Variants in MYO5A observed in about 807,000 individuals in gnomAD.
The protein encoded by MYO5A is unconventional myosin-Va.
A neutral mutation model predicts 249.7 loss-of-function variants in MYO5A; 98 were observed. The observed-to-expected ratio is 0.39, with a 90% CI of 0.33 to 0.46. MYO5A has a LOEUF of 0.46. MYO5A is among the 20% of genes least tolerant of loss of function. The pLI is 0.98. For synonymous variants in MYO5A, 778 were observed against 810.6 expected, an observed-to-expected ratio of 0.96 and a Z score of 0.68; for missense variants, 1,696 against 2,308.8, an observed-to-expected ratio of 0.73 and a Z score of 5.44.
chr15:52,488,145 T>C (rs865990146), intron 1 of MYO5A, among the ~76,000 whole-genome samples: 13 of 151,884 alleles, frequency 8.6e-5, no homozygotes, highest in South Asian at 8.3e-4. Flanking sequence ...GAAAGAATTA[T>C]GGATGAGGTG....
intron 1 of MYO5A, among the ~76,000 whole-genome samples, chr15:52,465,842 T>C (rs919500850): frequency 1.3e-5 from 2 of 151,758 alleles, no homozygotes; most frequent in Non-Finnish European, 2.9e-5. Flanking sequence ...ATATTATCCA[T>C]GATAATATGT....
intron 1 of MYO5A, among the ~76,000 whole-genome samples, chr15:52,458,763 TAAAAACA>T (rs10678659): frequency 6.6e-6 from 1 of 151,242 alleles, no homozygotes; most frequent in Non-Finnish European, 1.5e-5. Context: ...TAAATAAATA[TAAAAACA>T]AAAAACAAAA....
intron 1 of MYO5A, among the ~76,000 whole-genome samples, chr15:52,528,012 G>C (rs146043239): frequency 2.7e-3 from 413 of 152,284 alleles, no homozygotes; most frequent in South Asian, 5.4e-3. Context: ...GTCATTCAGA[G>C]ATCGCCAGAC....
intron 24 of MYO5A, among the ~76,000 whole-genome samples, chr15:52,362,857 G>A (rs751551384): frequency 6.6e-6 from 1 of 152,124 alleles, no homozygotes. Flanking sequence ...CCTCACAGAT[G>A]GATATCTCTG....
chr15:52,453,355 G>A (rs1271002854), intron 1 of MYO5A, among the ~76,000 whole-genome samples: 1 of 152,046 alleles, frequency 6.6e-6, no homozygotes, highest in African/African-American at 2.4e-5. Flanking sequence ...AAACATGAAG[G>A]AGAGATAAAG....
At chr15:52,498,376 A>C (rs1030396841) in intron 1 of MYO5A, among the ~76,000 whole-genome samples, 1 of 152,172 alleles carries the variant, frequency 6.6e-6, no homozygotes, top group Admixed American at 6.5e-5. Context: ...AAAAAATTCT[A>C]AGGCTTCTGA....
At chr15:52,333,029 A>G (rs2038961138) in intron 34 of MYO5A, among the ~76,000 whole-genome samples, 1 of 152,196 alleles carries the variant, frequency 6.6e-6, no homozygotes, top group South Asian at 2.1e-4. Flanking sequence ...CTGCCATGTA[A>G]GAACACAGAG....
At chr15:52,485,666 T>C (rs980017543) in intron 1 of MYO5A, among the ~76,000 whole-genome samples, 2 of 152,228 alleles carry the variant, frequency 1.3e-5, no homozygotes, top group African/African-American at 4.8e-5. Flanking sequence ...TTTCACATCA[T>C]AGCCAGAAAG....
chr15:52,364,736 T>C (rs753292794), intron 23 of MYO5A, 34 bp from the exon 24 acceptor site: 1 of 1,610,794 alleles, frequency 6.2e-7, no homozygotes, highest in Non-Finnish European at 8.5e-7. Context: ...ATACTAAAGA[T>C]GGCCCCTTGA....
At chr15:52,461,463 C>A (rs949885173) in intron 1 of MYO5A, among the ~76,000 whole-genome samples, 1 of 152,092 alleles carries the variant, frequency 6.6e-6, no homozygotes, top group East Asian at 1.9e-4. Context: ...AAAACAGAAA[C>A]CTAGTCACCC....
Position 52,435,394 on chromosome 15 carries a change from G to A in MYO5A, c.28-2109C>T, listed in dbSNP as rs534948541. Among the ~76,000 whole-genome samples, 9 of 149,430 alleles carry A rather than the reference G, an allele frequency of 6.0e-5. No individual in the cohort carries two copies. The East Asian group carries it at 1.0e-3, about 17-fold the overall frequency. On this transcript the variant is annotated intron_variant, in intron 1 of 41. Transcript: ENST00000399233. ...TGGGTTCAAGTGATTCTCCTGCCTCGGCCTCCCGAGCAGCTGGGACTATAG... is the reference window on the plus strand; with the variant it reads ...TGGGTTCAAGTGATTCTCCTGCCTCAGCCTCCCGAGCAGCTGGGACTATAG...
chr15:52,468,077 C>T (rs958893087), intron 1 of MYO5A, among the ~76,000 whole-genome samples: 1 of 152,164 alleles, frequency 6.6e-6, no homozygotes, highest in Non-Finnish European at 1.5e-5. Flanking sequence ...GGACCAGGTG[C>T]AGTGGCTCAT....
intron 1 of MYO5A, among the ~76,000 whole-genome samples, chr15:52,513,694 G>A (rs2077442201): frequency 6.6e-6 from 1 of 151,902 alleles, no homozygotes; most frequent in African/African-American, 2.4e-5. Context: ...GCCTCCCAAA[G>A]TGCAGGGATT....
At chr15:52,471,637 A>G (rs1237601274) in intron 1 of MYO5A, among the ~76,000 whole-genome samples, 3 of 144,784 alleles carry the variant, frequency 2.1e-5, no homozygotes, top group Non-Finnish European at 4.5e-5. Context: ...CAAAAAAACA[A>G]AAACAAAAAA....
intron 2 of MYO5A, among the ~76,000 whole-genome samples, chr15:52,431,517 G>T (rs1477794775): frequency 1.3e-5 from 2 of 151,716 alleles, no homozygotes; most frequent in Non-Finnish European, 2.9e-5. Flanking sequence ...TATTTTTCTA[G>T]CTCTCTATGC....
intron 1 of MYO5A, among the ~76,000 whole-genome samples, chr15:52,510,138 T>C (rs1469377421): frequency 6.6e-6 from 1 of 151,578 alleles, no homozygotes; most frequent in Non-Finnish European, 1.5e-5. Context: ...GTACTCTGGC[T>C]GAGACTCTGT....
At chr15:52,384,398 A>T in intron 14 of MYO5A, 76 bp from the exon 15 acceptor site, 1 of 1,422,554 alleles carries the variant, frequency 7.0e-7, no homozygotes, top group South Asian at 1.2e-5. Flanking sequence ...GAAATATTAC[A>T]GAGATTCCCT....
At chr15:52,481,965 A>G (rs939375919) in intron 1 of MYO5A, among the ~76,000 whole-genome samples, 1 of 152,244 alleles carries the variant, frequency 6.6e-6, no homozygotes, top group African/African-American at 2.4e-5. Context: ...ATTATTCTAC[A>G]TCAGTAGAAT....
intron 1 of MYO5A, among the ~76,000 whole-genome samples, chr15:52,462,916 A>G (rs868032718): frequency 2.6e-5 from 4 of 152,252 alleles, no homozygotes; most frequent in Middle Eastern, 6.8e-3. Context: ...TCAAGAGTAC[A>G]CTTTGCTTCC....
Sources: gnomAD v4.1 joint callset for allele counts (sites outside exome capture counted in the v4.1 genomes callset) on GRCh38, gnomAD v4.1.1 for gene constraint, MANE v1.5 for transcripts, NCBI Gene and HGNC (gene_info 2026-07-23, HGNC 2026-07-21) for gene names.